IGSF6: variants seen among roughly 807,000 people sequenced by gnomAD.
IGSF6 encodes the protein down-regulated by activation (immunoglobulin superfamily).
A neutral mutation model predicts 24.7 loss-of-function variants in IGSF6; 23 were observed. The observed-to-expected ratio is 0.93, with a 90% confidence interval of 0.67 to 1.32. IGSF6 has a LOEUF of 1.32. Among genes scored for constraint, IGSF6 ranks in the 40% most tolerant of loss-of-function variants. The probability of loss-of-function intolerance (pLI) is 0.00; values close to 1 mark genes in which losing one functional copy is unlikely to be tolerated. For missense variants in IGSF6, 295 were observed against 293.6 expected (o/e 1.00, Z -0.04); for synonymous variants, 110 against 113.7 (o/e 0.97, Z 0.21).
intron 2 of IGSF6, 91 bp downstream of exon 2, chr16:21,647,042 A>G (rs1170266045): frequency 6.4e-7 from 1 of 1,550,610 alleles, no homozygotes; most frequent in East Asian, 2.2e-5. Flanking sequence ...TAGCAAATTT[A>G]TCTCCTGATT....
intron 2 of IGSF6, 88 bp from the exon 3 acceptor site, chr16:21,644,484 T>A (rs1424242081): frequency 1.1e-6 from 1 of 917,340 alleles, no homozygotes; most frequent in Non-Finnish European, 1.7e-6. Flanking sequence ...CACTGCGTTT[T>A]AGAGGTGAAA....
intron 1 of IGSF6, among the ~76,000 whole-genome samples, chr16:21,650,508 C>CAAAAAA (rs3046229): frequency 1.1e-5 from 1 of 89,988 alleles, no homozygotes; most frequent in Admixed American, 1.2e-4. Context: ...ACTCTTGTCT[C>CAAAAAA]AAAAAAAAAA....
In IGSF6 at chr16:21,647,050, AT is replaced by A. The variant is rs750937785; in HGVS notation, c.427+82del. The A allele has an allele frequency of 2.5e-6, 4 of 1,574,222 alleles. No individual in the cohort carries two copies. The South Asian group carries it at 4.5e-5, about 18-fold the overall frequency. On this transcript the variant is annotated intron_variant, in intron 2 of 5. Coordinates refer to ENST00000268389, the MANE Select transcript of IGSF6 (RefSeq NM_005849.4). ...ATTAACTTAGCAAATTTATCTCCTG[AT>A]TTCTACATGTGAGTGAGGTAATGAT...
intron 5 of IGSF6, 26 bp downstream of exon 5, chr16:21,643,048 A>T (rs1454372): frequency 0.059 from 85,513 of 1,457,460 alleles, 5,038 homozygotes; most frequent in East Asian, 0.33. Context: ...CTGTATTTAC[A>T]TTTTTTTTTG....
rs555993197 is a variant in IGSF6 at position 21,651,634 on chromosome 16, A to T, written c.67+898T>A. On this transcript the variant is annotated intron_variant, in intron 1 of 5. Transcript: ENST00000268389. ...TATTATATTAGATTTCAAATTTCTA[A>T]CATATCAAAGTAGCGAAGTAGTACA... 5.9e-5 allele frequency among the ~76,000 whole-genome samples: 9 copies of T among 152,232 alleles called. No homozygotes were observed. In the East Asian group the frequency reaches 1.7e-3, roughly 29 times the overall value.
In IGSF6 at chr16:21,642,767, C is replaced by T. The variant is rs771632674; in HGVS notation, c.666+307G>A. 8.7e-4 allele frequency among the ~76,000 whole-genome samples: 133 copies of T among 152,266 alleles called. 1 individual carries two copies. The highest frequency in any genetic ancestry group is 7.8e-4 in the Non-Finnish European group (53 of 68,010). On this transcript the variant is annotated intron_variant, in intron 5 of 5. Coordinates refer to ENST00000268389, the MANE Select transcript of IGSF6 (RefSeq NM_005849.4). ...CTACCACTGCATGCAGGATACTGTA[C>T]AGAGTAGCTTTTAATCTATCCTTTT...
chr16:21,649,244 C>T (rs1481068637), intron 1 of IGSF6, among the ~76,000 whole-genome samples: 2 of 152,184 alleles, frequency 1.3e-5, no homozygotes, highest in South Asian at 2.1e-4. Context: ...CCGCTTGCCT[C>T]GGCCTTCCAA....
At chr16:21,650,304 C>T (rs1410059268) in intron 1 of IGSF6, among the ~76,000 whole-genome samples, 2 of 151,992 alleles carry the variant, frequency 1.3e-5, no homozygotes, top group East Asian at 1.9e-4. Context: ...GTCAGGCGTT[C>T]GAGACTAGCC....
intron 5 of IGSF6, 110 bp from the exon 6 acceptor site, chr16:21,641,703 G>A (rs1966274658): frequency 9.2e-6 from 5 of 542,638 alleles, no homozygotes; most frequent in South Asian, 8.4e-5. Flanking sequence ...GGTCCTAAGT[G>A]TCCATATGGT....
intron 2 of IGSF6, chr16:21,646,804 T>G: frequency 5.7e-6 from 2 of 351,610 alleles, no homozygotes; most frequent in South Asian, 4.5e-5. Context: ...TACAGGTGCA[T>G]GCCACCATGC....
chr16:21,646,321 A>T (rs990381907), intron 2 of IGSF6: 9 of 152,128 alleles, frequency 5.9e-5, no homozygotes, highest in Non-Finnish European at 1.2e-4. Flanking sequence ...CCGTTCACTG[A>T]TGTCCAGGCA....
At chr16:21,646,255 G>A (rs950915912) in intron 2 of IGSF6, 12 of 151,982 alleles carry the variant, frequency 7.9e-5, no homozygotes, top group African/African-American at 2.7e-4. Flanking sequence ...GTCCTCGCTC[G>A]GCTGAGGAAT....
chr16:21,647,635 A>C, intron 1 of IGSF6, 143 bp from the exon 2 acceptor site: 1 of 1,094,950 alleles, frequency 9.1e-7, no homozygotes, highest in Non-Finnish European at 1.3e-6. Context: ...AATAAACACC[A>C]GTGGTCCTCA....
In IGSF6 at chr16:21,640,915, C is replaced by T. The variant is rs965882847; in HGVS notation, c.*619G>A. ...TGGCTTATTTGTTCTGAAGTTACCT[C>T]TGTTTAACCTTCAGCTTTGGATTTT... On this transcript the variant is annotated 3_prime_UTR_variant, in exon 6 of 6. Coordinates refer to ENST00000268389, the MANE Select transcript of IGSF6 (RefSeq NM_005849.4). The T allele has an allele frequency of 6.6e-6, 1 of 152,120 alleles. No homozygotes were observed. Among genetic ancestry groups the T allele is most frequent in the Non-Finnish European group, 1.5e-5 (1 of 68,052 alleles). The allele number at this position is 152,120 out of a possible 1,614,324, so 9.4% of individuals were successfully genotyped here. A position where few individuals can be genotyped will look rare whatever the true frequency, so the allele number is the denominator to read the frequency against.
chr16:21,642,161 T>G (rs1966288742), intron 5 of IGSF6: 1 of 152,154 alleles, frequency 6.6e-6, no homozygotes, highest in African/African-American at 2.4e-5. Context: ...CCATATTTTT[T>G]TAAAAAGAAA....
chr16:21,652,402 C>T (rs1966600216), intron 1 of IGSF6, 130 bp downstream of exon 1: 8 of 584,966 alleles, frequency 1.4e-5, no homozygotes, highest in Non-Finnish European at 1.1e-5. Flanking sequence ...GGAAACTTAT[C>T]CTCTTAGGCA....
chr16:21,652,588 G>A lies in IGSF6; in HGVS notation c.11C>T (p.Ala4Val), dbSNP rs565354015. 509 of 1,609,930 alleles carry A rather than the reference G, an allele frequency of 3.2e-4. 4 individuals carry two copies. The South Asian group carries it at 5.2e-3, about 17-fold the overall frequency. ...ATGGCGAGCGATGTTGCTTCTGCTC[G>A]CAGTCCCCATTTCTGTGTATGCCGG... MGTASRSNIARHLQ... is the reference protein window; with the variant it reads MGTVSRSNIARHLQ... Residue 4 changes from alanine (A) to valine (V), a missense_variant, in exon 1 of 6, where the codon GCG becomes GTG. Coordinates refer to ENST00000268389, the MANE Select transcript of IGSF6 (RefSeq NM_005849.4).
In IGSF6 at chr16:21,644,426, T is replaced by G. The variant is rs773074233; in HGVS notation, c.428-30A>C. ...ATGACAAAAACAGAAAGAAGCACATTGACTATTAAAGCCTATTCTTTCAAA... is the reference window on the plus strand; with the variant it reads ...ATGACAAAAACAGAAAGAAGCACATGGACTATTAAAGCCTATTCTTTCAAA... On this transcript the variant is annotated intron_variant, in intron 2 of 5. Coordinates refer to ENST00000268389, the MANE Select transcript of IGSF6 (RefSeq NM_005849.4). The G allele has an allele frequency of 4.1e-6, 6 of 1,471,112 alleles. No individual in the cohort carries two copies. The Admixed American group carries it at 8.4e-5, about 21-fold the overall frequency. The allele number at this position is 1,471,112 out of a possible 1,614,324, so 91.1% of individuals were successfully genotyped here. A position where few individuals can be genotyped will look rare whatever the true frequency, so the allele number is the denominator to read the frequency against.
In IGSF6 at chr16:21,644,399, T is replaced by A; in HGVS notation, c.428-3A>T. On this transcript the variant is annotated splice_region_variant and splice_polypyrimidine_tract_variant and intron_variant, in intron 2 of 5. Transcript: ENST00000268389. ...TTCCTTGCTGAGCAGCTTAATTTCT[T>A]AATGACAAAAACAGAAAGAAGCACA... 1 of 1,603,600 alleles carries A rather than the reference T, an allele frequency of 6.2e-7. No homozygotes were observed. Among genetic ancestry groups the A allele is most frequent in the Non-Finnish European group, 8.5e-7 (1 of 1,170,750 alleles).
Sources: allele counts gnomAD v4.1 joint callset (sites outside exome capture counted in the v4.1 genomes callset), GRCh38; gene constraint gnomAD v4.1.1; transcripts MANE v1.5; gene names NCBI Gene and HGNC (gene_info 2026-07-23, HGNC 2026-07-21).